LRMDA: variants seen among roughly 807,000 people sequenced by gnomAD.
LRMDA encodes leucine rich melanocyte differentiation associated.
Under a neutral mutation model 29.8 loss-of-function variants are expected in LRMDA, and 18 were observed. The observed-to-expected ratio is 0.60, with a 90% CI of 0.42 to 0.90. The LOEUF (loss-of-function observed/expected upper bound fraction) is 0.90. Among genes scored for constraint, LRMDA ranks in the 40% least tolerant of loss-of-function variants. The pLI is 0.00. For synonymous variants in LRMDA, 125 were observed against 109.4 expected, an observed-to-expected ratio of 1.14 and a Z score of -0.89; for missense variants, 273 against 273.9, an observed-to-expected ratio of 1.00 and a Z score of 0.02.
intron 2 of LRMDA, among the ~76,000 whole-genome samples, chr10:75,855,762 T>C (rs369046441): frequency 2.0e-5 from 3 of 152,152 alleles, no homozygotes; most frequent in Non-Finnish European, 4.4e-5. Context: ...GGAAGGGATC[T>C]AGTTTCAGCT....
intron 2 of LRMDA, among the ~76,000 whole-genome samples, chr10:75,557,237 T>C (rs1294395193): frequency 6.6e-6 from 1 of 150,670 alleles, no homozygotes; most frequent in African/African-American, 2.4e-5. Flanking sequence ...TTGCTTGAAC[T>C]GGGGAGGCAG....
At chr10:75,598,859 T>C (rs897337106) in intron 2 of LRMDA, among the ~76,000 whole-genome samples, 2 of 152,224 alleles carry the variant, frequency 1.3e-5, no homozygotes, top group Non-Finnish European at 2.9e-5. Flanking sequence ...TCAATGTATG[T>C]GGCATTTAGC....
At chr10:75,832,683 G>C (rs1416135306) in intron 2 of LRMDA, among the ~76,000 whole-genome samples, 1 of 152,232 alleles carries the variant, frequency 6.6e-6, no homozygotes, top group African/African-American at 2.4e-5. Flanking sequence ...ACAAAAGAAA[G>C]AGGTTTAATT....
At chr10:76,315,219 G>A (rs1222112607) in intron 5 of LRMDA, among the ~76,000 whole-genome samples, 1 of 152,254 alleles carries the variant, frequency 6.6e-6, no homozygotes, top group Non-Finnish European at 1.5e-5. Flanking sequence ...GGCCTGTCTG[G>A]AGCAGCCGCT....
At chr10:76,144,010 G>A (rs1188566721) in intron 5 of LRMDA, among the ~76,000 whole-genome samples, 4 of 152,048 alleles carry the variant, frequency 2.6e-5, no homozygotes, top group East Asian at 3.9e-4. Flanking sequence ...GTAGACATGC[G>A]GCATTATTTC....
chr10:76,164,122 T>C (rs1850693949), intron 5 of LRMDA, among the ~76,000 whole-genome samples: 1 of 144,856 alleles, frequency 6.9e-6, no homozygotes, highest in South Asian at 2.4e-4. Flanking sequence ...ATTAAAATGT[T>C]TGATTTTTTT....
At chr10:75,618,368 CTCTCTCTCTCTCTCTA>C (rs1227394483) in intron 2 of LRMDA, among the ~76,000 whole-genome samples, 1 of 54,966 alleles carries the variant, frequency 1.8e-5, no homozygotes, top group Non-Finnish European at 4.5e-5. Context: ...CTCTCTCTCT[CTCTCTCTCTCTCTCTA>C]TATATATATA....
At chr10:75,709,378 G>A (rs751678729) in intron 2 of LRMDA, among the ~76,000 whole-genome samples, 15 of 151,838 alleles carry the variant, frequency 9.9e-5, no homozygotes, top group Non-Finnish European at 1.9e-4. Flanking sequence ...GCGTGCATGC[G>A]TATGTGTGCC....
intron 2 of LRMDA, among the ~76,000 whole-genome samples, chr10:75,539,361 G>A (rs990169209): frequency 2.0e-5 from 3 of 152,186 alleles, no homozygotes; most frequent in African/African-American, 2.4e-5. Flanking sequence ...CTTTCAGTAA[G>A]TGTTACTTGA....
intron 6 of LRMDA, among the ~76,000 whole-genome samples, chr10:76,376,412 T>TAC (rs1164753787): frequency 6.6e-6 from 1 of 152,022 alleles, no homozygotes; most frequent in Non-Finnish European, 1.5e-5. Context: ...CATACAAACA[T>TAC]ACACACACAC....
At chr10:75,723,216 T>C (rs1842590077) in intron 2 of LRMDA, among the ~76,000 whole-genome samples, 1 of 152,186 alleles carries the variant, frequency 6.6e-6, no homozygotes, top group South Asian at 2.1e-4. Flanking sequence ...GAGCAGCCTG[T>C]CCAAGGGAAA....
chr10:75,957,351 A>G (rs9415138), intron 2 of LRMDA, among the ~76,000 whole-genome samples: 102,154 of 152,168 alleles, frequency 0.67, 34,376 homozygotes, highest in South Asian at 0.74. Context: ...TCTCCTTATC[A>G]AATGGCCCAG....
chr10:75,662,649 A>T (rs952911248), intron 2 of LRMDA, among the ~76,000 whole-genome samples: 3 of 152,230 alleles, frequency 2.0e-5, no homozygotes. Flanking sequence ...ACCCTGAATG[A>T]GGTGAATTAA....
chr10:76,282,003 G>A lies in LRMDA; in HGVS notation c.517-42398G>A, dbSNP rs576023560. 5.9e-5 allele frequency among the ~76,000 whole-genome samples: 9 copies of A among 152,256 alleles called. No homozygotes were observed. The South Asian group carries it at 1.7e-3, about 28-fold the overall frequency. ...TCTGGGGACAGATTTGCATTTTTTG[G>A]TGAAAGAAATGCATATATATGGCAA... On this transcript the variant is annotated intron_variant, in intron 5 of 6. Transcript: ENST00000611255.
At chr10:75,498,498 C>T (rs549606872) in intron 2 of LRMDA, among the ~76,000 whole-genome samples, 1 of 152,282 alleles carries the variant, frequency 6.6e-6, no homozygotes, top group African/African-American at 2.4e-5. Context: ...GTGTGTGCAT[C>T]AAGTCCCTTG....
chr10:75,916,221 G>C (rs964307383), intron 2 of LRMDA, among the ~76,000 whole-genome samples: 1 of 147,944 alleles, frequency 6.8e-6, no homozygotes, highest in East Asian at 2.0e-4. Context: ...TGTGTATACC[G>C]ACCACCATAG....
At chr10:76,222,082 C>T (rs1253235353) in intron 5 of LRMDA, among the ~76,000 whole-genome samples, 2 of 151,940 alleles carry the variant, frequency 1.3e-5, no homozygotes, top group Non-Finnish European at 2.9e-5. Flanking sequence ...AAAGCTGAAA[C>T]TGGATCCCTT....
At chr10:75,540,901 G>A (rs1840007464) in intron 2 of LRMDA, among the ~76,000 whole-genome samples, 1 of 152,096 alleles carries the variant, frequency 6.6e-6, no homozygotes, top group South Asian at 2.1e-4. Flanking sequence ...AGAAATTATG[G>A]TGAATGCAGA....
chr10:75,555,584 C>T (rs1451729184), intron 2 of LRMDA, among the ~76,000 whole-genome samples: 1 of 152,142 alleles, frequency 6.6e-6, no homozygotes, highest in East Asian at 1.9e-4. Context: ...TTAGGGGAGA[C>T]AGTGTTTTGC....
Sources: allele counts gnomAD v4.1 joint callset (sites outside exome capture counted in the v4.1 genomes callset), GRCh38; gene constraint gnomAD v4.1.1; transcripts MANE v1.5; gene names NCBI Gene and HGNC (gene_info 2026-07-23, HGNC 2026-07-21).